DENND4C: variants seen among roughly 807,000 people sequenced by gnomAD.
DENND4C encodes DENN domain containing 4C.
DENND4C carries 108 observed loss-of-function variants against 203.0 expected under a neutral mutation model. The ratio of observed to expected loss-of-function variants is 0.53; its 90% CI spans 0.46 to 0.62. The LOEUF (loss-of-function observed/expected upper bound fraction) is 0.62. Ranked by LOEUF, DENND4C falls within the 20% of genes least tolerant of loss-of-function variation. The pLI, the probability that DENND4C is intolerant of heterozygous loss-of-function variation, is 0.00. For synonymous variants in DENND4C, 871 were observed against 792.4 expected (o/e 1.10, Z -1.67); for missense variants, 2,481 against 2,301.2 (o/e 1.08, Z -1.60).
Position 19,316,610 on chromosome 9 carries a change from T to G in DENND4C, c.1589-11T>G, listed in dbSNP as rs78576958. Reference sequence around the variant, plus strand: ...CATAATACCATTTTCTGTTTTTATTTCCTTTGTTAGTTCACCAAAAAACTC... The same window carrying G: ...CATAATACCATTTTCTGTTTTTATTGCCTTTGTTAGTTCACCAAAAAACTC... On this transcript the variant is annotated splice_polypyrimidine_tract_variant and intron_variant, in intron 11 of 32. Transcript: ENST00000434457. The G allele has an allele frequency of 1.9e-6, 3 of 1,610,710 alleles. No individual in the cohort carries two copies. The South Asian group carries it at 3.3e-5, about 18-fold the overall frequency.
chr9:19,363,655 A>G (rs1356084985), intron 30 of DENND4C, among the ~76,000 whole-genome samples: 1 of 152,150 alleles, frequency 6.6e-6, no homozygotes, highest in Non-Finnish European at 1.5e-5. Flanking sequence ...TCTGTAATAT[A>G]AACATATTTT....
chr9:19,286,652 T>C (rs1301026524), intron 2 of DENND4C, 117 bp from the exon 3 acceptor site: 13 of 1,023,250 alleles, frequency 1.3e-5, no homozygotes, highest in African/African-American at 1.7e-5. Context: ...AAAAAAATTT[T>C]CTTTGATTTC....
chr9:19,335,924 A>G (rs376683670), intron 18 of DENND4C, among the ~76,000 whole-genome samples: 1 of 152,074 alleles, frequency 6.6e-6, no homozygotes, highest in Non-Finnish European at 1.5e-5. Context: ...TAATTTTTTG[A>G]GGAAACTCTA....
At chr9:19,298,171 G>T (rs2097934368) in intron 7 of DENND4C, 49 bp downstream of exon 7, 1 of 1,517,502 alleles carries the variant, frequency 6.6e-7, no homozygotes, top group Non-Finnish European at 9.1e-7. Context: ...ATGCTCACCT[G>T]AGTCATTGCA....
At position 19,297,523 on chromosome 9, in the gene DENND4C, G is replaced by T. The variant is rs565124093; in HGVS notation, c.1041-533G>T. 2.6e-5 allele frequency among the ~76,000 whole-genome samples: 4 copies of T among 152,250 alleles called. No homozygotes were observed. The East Asian group carries it at 5.8e-4, about 22-fold the overall frequency. ...AAAATTAAGATTCTATGAATAGCTT[G>T]TGATAAAATCAATGTATATAATCAA... On this transcript the variant is annotated intron_variant, in intron 6 of 32. Transcript: ENST00000434457.
At chr9:19,287,913 G>C (rs1299948432) in intron 3 of DENND4C, among the ~76,000 whole-genome samples, 1 of 152,066 alleles carries the variant, frequency 6.6e-6, no homozygotes, top group African/African-American at 2.4e-5. Context: ...TGTATGTTTA[G>C]TAGAGATGAG....
chr9:19,313,663 G>A (rs546285117), intron 10 of DENND4C, among the ~76,000 whole-genome samples: 9 of 152,292 alleles, frequency 5.9e-5, no homozygotes, highest in Non-Finnish European at 1.0e-4. Context: ...AGACACAAGG[G>A]AAGTGTTAGC....
intron 23 of DENND4C, 115 bp from the exon 24 acceptor site, chr9:19,350,587 G>T: frequency 1.2e-6 from 1 of 807,040 alleles, no homozygotes. Flanking sequence ...AAAAATGTGG[G>T]GATGATGATT....
chr9:19,366,497 G>A (rs1450005834), intron 30 of DENND4C, among the ~76,000 whole-genome samples: 1 of 152,110 alleles, frequency 6.6e-6, no homozygotes, highest in East Asian at 1.9e-4. Flanking sequence ...CCAGCTAGTC[G>A]GGAGGCTGAG....
chr9:19,328,311 C>T, intron 16 of DENND4C, 149 bp downstream of exon 16: 1 of 885,008 alleles, frequency 1.1e-6, no homozygotes, highest in Non-Finnish European at 1.6e-6. Context: ...TCTTGCAAGC[C>T]TACTTAAAAT....
chr9:19,346,011 G>C lies in DENND4C; in HGVS notation c.3242G>C (p.Arg1081Thr). 1.9e-6 allele frequency: 3 copies of C among 1,614,114 alleles called. No individual in the cohort carries two copies. Among genetic ancestry groups the C allele is most frequent in the South Asian group, 1.1e-5 (1 of 91,078 alleles). Residue 1081 changes from arginine to threonine, a missense_variant, in exon 23 of 33, where the codon AGA becomes ACA. Coordinates refer to ENST00000434457, the MANE Select transcript of DENND4C (RefSeq NM_001330640.2). ...EATNLKKNGDRGEKRQKHFPE... is the reference protein window; with the variant it reads ...EATNLKKNGDTGEKRQKHFPE... ...ACTAATCTCAAGAAGAATGGTGATA[G>C]AGGAGAAAAAAGACAAAAGCATTTT... is the stretch of plus-strand genomic sequence containing the variant.
chr9:19,272,807 G>T (rs957914612), intron 1 of DENND4C, among the ~76,000 whole-genome samples: 1 of 151,322 alleles, frequency 6.6e-6, no homozygotes, highest in South Asian at 2.1e-4. Context: ...TTGCTCTCTC[G>T]CCCAGGTTGG....
chr9:19,290,715 A>C lies in DENND4C; in HGVS notation c.640A>C (p.Arg214=), dbSNP rs750822569. The change falls in exon 5 of 33, where the codon AGA becomes CGA. Residue 214 remains arginine, a synonymous_variant. Transcript: ENST00000434457. ...TCATTCTTCAAAAGGTTTAATTTTT[A>C]GATATCCAGAAGAGGACTATGAGTC... ...AIAYKAGLIF[R]YPEEDYESFP... 2.1e-6 allele frequency: 3 copies of C among 1,451,304 alleles called. No individual in the cohort carries two copies. Among genetic ancestry groups the C allele is most frequent in the Non-Finnish European group, 2.7e-6 (3 of 1,094,544 alleles). 89.9% of individuals were successfully genotyped at this position (1,451,304 alleles called of 1,614,324 possible).
chr9:19,332,407 A>G (rs959326810), intron 17 of DENND4C, among the ~76,000 whole-genome samples: 3 of 151,556 alleles, frequency 2.0e-5, no homozygotes, highest in African/African-American at 7.3e-5. Flanking sequence ...CCCAGGCTGG[A>G]GTTCAGCAGT....
At chr9:19,303,840 A>T (rs1839089236) in intron 9 of DENND4C, among the ~76,000 whole-genome samples, 1 of 152,108 alleles carries the variant, frequency 6.6e-6, no homozygotes, top group South Asian at 2.1e-4. Context: ...TTTTAGTACT[A>T]GCTAATTATT....
intron 12 of DENND4C, 86 bp from the exon 13 acceptor site, chr9:19,324,276 A>G (rs1843357018): frequency 1.0e-6 from 1 of 976,982 alleles, no homozygotes; most frequent in Non-Finnish European, 1.5e-6. Flanking sequence ...AAGAGAATGT[A>G]ATATAGATAA....
chr9:19,245,907 T>A (rs1258618377), intron 1 of DENND4C, among the ~76,000 whole-genome samples: 2 of 152,124 alleles, frequency 1.3e-5, no homozygotes, highest in Non-Finnish European at 2.9e-5. Flanking sequence ...CACTTCCTTT[T>A]CTACTAACTC....
At chr9:19,277,065 C>G (rs937949061) in intron 2 of DENND4C, among the ~76,000 whole-genome samples, 3 of 151,932 alleles carry the variant, frequency 2.0e-5, no homozygotes, top group Non-Finnish European at 4.4e-5. Flanking sequence ...TACCTTGACT[C>G]TTCTGTAAAA....
rs527775901 is a variant in DENND4C at position 19,254,393 on chromosome 9, A to C, written c.-17-21765A>C. Among the ~76,000 whole-genome samples, 6 of 152,348 alleles carry C rather than the reference A, an allele frequency of 3.9e-5. 1 individual carries two copies. Among genetic ancestry groups the C allele is most frequent in the Admixed American group, 3.9e-4 (6 of 15,304 alleles). On this transcript the variant is annotated intron_variant, in intron 1 of 32. Transcript: ENST00000434457. ...ATTGTGGCATACACACACACAGCAG[A>C]ATACTATTTAGCCATAAAAAGAAGG...
Sources: gnomAD v4.1 joint callset for allele counts (sites outside exome capture counted in the v4.1 genomes callset) on GRCh38, gnomAD v4.1.1 for gene constraint, MANE v1.5 for transcripts, NCBI Gene and HGNC (gene_info 2026-07-23, HGNC 2026-07-21) for gene names.